GLIS2: variants seen among roughly 807,000 people sequenced by gnomAD.
The protein encoded by GLIS2 is GLIS family zinc finger 2, also known as zinc finger protein GLIS2.
A neutral mutation model predicts 35.6 loss-of-function variants in GLIS2; 14 were observed. The ratio of observed to expected loss-of-function variants is 0.39; its 90% CI spans 0.26 to 0.61. The LOEUF (loss-of-function observed/expected upper bound fraction) is 0.61, where lower values mean the gene tolerates loss of function less well. Ranked by LOEUF, GLIS2 falls within the 20% of genes least tolerant of loss-of-function variation. GLIS2 has a pLI of 0.48. For missense variants in GLIS2, 675 were observed against 713.4 expected (o/e 0.95, Z 0.61); for synonymous variants, 368 against 325.1 (o/e 1.13, Z -1.42).
chr16:4,333,481 C>T lies in GLIS2; in HGVS notation c.307C>T (p.Gln103Ter). The change falls in exon 3 of 7, where the codon CAG becomes TAG. Residue 103 changes from glutamine to a stop codon, truncating the protein, a stop_gained. Transcript: ENST00000433375. LOFTEE classifies it high-confidence loss of function. ...CAGCAGCTCGCTGTCCCCCGAGCGC[C>T]AGGGCAACGGGGACCTGCCTCCAGT... ...NGSSSLSPER[Q>*]GNGDLPPVPS... The T allele has an allele frequency of 6.2e-7, 1 of 1,612,288 alleles. No individual in the cohort carries two copies. The highest frequency in any genetic ancestry group is 1.3e-5 in the African/African-American group (1 of 75,012).
intron 1 of GLIS2, among the ~76,000 whole-genome samples, chr16:4,322,164 AG>A (rs1355030832): frequency 6.9e-6 from 1 of 145,812 alleles, no homozygotes; most frequent in Non-Finnish European, 1.5e-5. Flanking sequence ...ATCCTGAGGA[AG>A]GGGGGTGCCA....
At chr16:4,327,662 CG>C (rs1290470645) in intron 1 of GLIS2, among the ~76,000 whole-genome samples, 3 of 151,590 alleles carry the variant, frequency 2.0e-5, no homozygotes, top group African/African-American at 4.8e-5. Context: ...GCCAGGGTGG[CG>C]GGGGGCCCGC....
rs2053572163 is a variant in GLIS2, at chr16:4,337,632, C to CCCCAG, written c.*117_*121dup. On this transcript the variant is annotated 3_prime_UTR_variant, in exon 7 of 7. Coordinates refer to ENST00000433375, the MANE Select transcript of GLIS2 (RefSeq NM_032575.3). ...CAATAATGTCCTACTGCCCGGGCAGCCCCAGCCCAGCCCGCCGGGAGCAAG... is the reference window on the plus strand; with the variant it reads ...CAATAATGTCCTACTGCCCGGGCAGCCCCAGCCCAGCCCAGCCCGCCGGGAGCAAG... 5 of 1,477,402 alleles carry CCCCAG rather than the reference C, an allele frequency of 3.4e-6. No individual in the cohort carries two copies. Among genetic ancestry groups the CCCCAG allele is most frequent in the East Asian group, 2.5e-5 (1 of 40,566 alleles). The allele number at this position is 1,477,402 out of a possible 1,614,324, so 91.5% of individuals were successfully genotyped here. A position where few individuals can be genotyped will look rare whatever the true frequency, so the allele number is the denominator to read the frequency against.
Position 4,316,181 on chromosome 16 carries a change from T to A in GLIS2, c.-140T>A, listed in dbSNP as rs1004465055. Among the ~76,000 whole-genome samples, 2 of 131,342 alleles carry A rather than the reference T, an allele frequency of 1.5e-5. No homozygotes were observed. The highest frequency in any genetic ancestry group is 5.7e-5 in the African/African-American group (2 of 35,272). The allele number at this position is 131,342 out of a possible 152,430, so 86.2% of individuals were successfully genotyped here. ...CCCGGCCCCCGCCCGTCCCGGCCCCTCCCCCGCTCGGCTCCCCGCGCCCCC... is the reference window on the plus strand; with the variant it reads ...CCCGGCCCCCGCCCGTCCCGGCCCCACCCCCGCTCGGCTCCCCGCGCCCCC... On this transcript the variant is annotated 5_prime_UTR_variant, in exon 1 of 7. Transcript: ENST00000433375.
Position 4,332,165 on chromosome 16 carries a change from G to A in GLIS2, c.-66-50G>A. Reference sequence around the variant, plus strand: ...TTAGACTGTCATGAGTACAGCCCGAGGAGAAGCCTGGGGTCTCAGTGCCAC... The same window carrying A: ...TTAGACTGTCATGAGTACAGCCCGAAGAGAAGCCTGGGGTCTCAGTGCCAC... On this transcript the variant is annotated intron_variant, in intron 1 of 6. Transcript: ENST00000433375. The surrounding 1 kb of genome is among the most constrained non-coding windows in gnomAD (Gnocchi z 5.4). 2.3e-6 allele frequency: 3 copies of A among 1,281,352 alleles called. No individual in the cohort carries two copies. The highest frequency in any genetic ancestry group is 2.5e-5 in the East Asian group (1 of 39,808). 79.4% of individuals were successfully genotyped at this position (1,281,352 alleles called of 1,614,324 possible).
At chr16:4,319,891 G>T (rs1286242901) in intron 1 of GLIS2, among the ~76,000 whole-genome samples, 1 of 152,190 alleles carries the variant, frequency 6.6e-6, no homozygotes, top group Non-Finnish European at 1.5e-5. Context: ...CCCCCAGATG[G>T]GCTGGAGGAT....
At position 4,337,696 on chromosome 16, in the gene GLIS2, C is replaced by T. The variant is rs1435718211; in HGVS notation, c.*172C>T. ...CATTCATGGCTGGCCTCCCAGCCCC[C>T]GGGTGGGGACCTGGCCTGTCATGCA... is the stretch of plus-strand genomic sequence containing the variant. On this transcript the variant is annotated 3_prime_UTR_variant, in exon 7 of 7. Transcript: ENST00000433375. 1.7e-5 allele frequency: 16 copies of T among 917,982 alleles called. No homozygotes were observed. Among genetic ancestry groups the T allele is most frequent in the African/African-American group, 9.7e-5 (6 of 61,574 alleles). 56.9% of individuals were successfully genotyped at this position (917,982 alleles called of 1,614,324 possible).
intron 1 of GLIS2, among the ~76,000 whole-genome samples, chr16:4,316,670 G>A (rs1008040053): frequency 6.6e-6 from 1 of 152,062 alleles, no homozygotes; most frequent in Non-Finnish European, 1.5e-5. Flanking sequence ...GGCCGCGCCG[G>A]GGCTGCTGCT....
At chr16:4,327,973 G>C (rs1179181385) in intron 1 of GLIS2, among the ~76,000 whole-genome samples, 2 of 151,860 alleles carry the variant, frequency 1.3e-5, no homozygotes, top group Non-Finnish European at 1.5e-5. Flanking sequence ...CTGAGTGCTC[G>C]AGAGACGCGG....
At chr16:4,333,750 G>C (rs1412989641) in intron 3 of GLIS2, among the ~76,000 whole-genome samples, 1 of 152,122 alleles carries the variant, frequency 6.6e-6, no homozygotes, top group African/African-American at 2.4e-5. Context: ...CTTCACTCCA[G>C]GCTCTGCCCT....
rs201182025 is a variant in GLIS2, at chr16:4,337,362, C to A, written c.1413C>A (p.Ser471Arg). 104 of 1,592,964 alleles carry A rather than the reference C, an allele frequency of 6.5e-5. 1 individual carries two copies. In the East Asian group the frequency reaches 2.2e-3, roughly 34 times the overall value. The change falls in exon 7 of 7, where the codon AGC becomes AGA. Residue 471 changes from serine to arginine, a missense_variant. This residue lies in a region of GLIS2 where 317 missense variants were observed against 283.2 expected (regional missense o/e 1.12). Coordinates refer to ENST00000433375, the MANE Select transcript of GLIS2 (RefSeq NM_032575.3). ...HKTPLERTES[S>R]CSRPSPDGLP... Reference sequence around the variant, plus strand: ...CGCCCCTTGAAAGGACGGAGAGCAGCTGCTCCCGGCCAAGCCCCGATGGAC... The same window carrying A: ...CGCCCCTTGAAAGGACGGAGAGCAGATGCTCCCGGCCAAGCCCCGATGGAC...
chr16:4,337,380 C>A lies in GLIS2; in HGVS notation c.1431C>A (p.Pro477=). The A allele has an allele frequency of 6.3e-7, 1 of 1,593,538 alleles. No individual in the cohort carries two copies. The highest frequency in any genetic ancestry group is 8.5e-7 in the Non-Finnish European group (1 of 1,171,584). Residue 477 remains proline, a synonymous_variant, in exon 7 of 7, where the codon CCC becomes CCA. Transcript: ENST00000433375. ...RTESSCSRPS[P]DGLPLLPGTV... The stretch of plus-strand genomic sequence containing the variant: ...AGAGCAGCTGCTCCCGGCCAAGCCC[C>A]GATGGACTCCCCCTGCTGCCAGGCA...
At chr16:4,328,052 A>C (rs2053456898) in intron 1 of GLIS2, among the ~76,000 whole-genome samples, 1 of 152,134 alleles carries the variant, frequency 6.6e-6, no homozygotes, top group South Asian at 2.1e-4. Context: ...GGAAGGCTCC[A>C]CCAGGAGGCG....
intron 1 of GLIS2, among the ~76,000 whole-genome samples, chr16:4,321,156 C>T (rs1597332410): frequency 6.6e-6 from 1 of 152,252 alleles, no homozygotes; most frequent in East Asian, 1.9e-4. Context: ...GGGCTGGGGG[C>T]CAGGGCTGGG....
At chr16:4,336,397 T>A in intron 6 of GLIS2, 1 of 516,572 alleles carries the variant, frequency 1.9e-6, no homozygotes, top group Non-Finnish European at 3.5e-6. Context: ...TCTGCCTGCC[T>A]TGGCCTCCCA....
intron 1 of GLIS2, among the ~76,000 whole-genome samples, chr16:4,319,479 T>C (rs953989294): frequency 5.9e-5 from 9 of 152,008 alleles, no homozygotes; most frequent in African/African-American, 1.9e-4. Flanking sequence ...GGCCCTGATG[T>C]GTATCTGGGG....
rs2053505087 is a variant in GLIS2, at chr16:4,332,271, C to T, written c.-10C>T. 6.2e-7 allele frequency: 1 copy of T among 1,611,324 alleles called. No homozygotes were observed. Among genetic ancestry groups the T allele is most frequent in the Non-Finnish European group, 8.5e-7 (1 of 1,179,454 alleles). On this transcript the variant is annotated 5_prime_UTR_variant, in exon 2 of 7. Coordinates refer to ENST00000433375, the MANE Select transcript of GLIS2 (RefSeq NM_032575.3). This position sits in a 1 kb window ranked among gnomAD's most constrained non-coding sequence, Gnocchi z 5.4. Reference sequence around the variant, plus strand: ...TGCCTGCTGCCACCTCCAACTCCGGCCCCCTCACCATGCACTCCCTGGACG... The same window carrying T: ...TGCCTGCTGCCACCTCCAACTCCGGTCCCCTCACCATGCACTCCCTGGACG...
chr16:4,331,379 A>G (rs1056330700), intron 1 of GLIS2, among the ~76,000 whole-genome samples: 4 of 152,100 alleles, frequency 2.6e-5, no homozygotes, highest in Non-Finnish European at 5.9e-5. Context: ...TTTATTTCCC[A>G]TAAGGAATAC....
rs1298808971 is a variant in GLIS2 at position 4,320,713 on chromosome 16, C to T, written c.-67+4459C>T. Among the ~76,000 whole-genome samples, 1 of 152,204 alleles carries T rather than the reference C, an allele frequency of 6.6e-6. No individual in the cohort carries two copies. Among genetic ancestry groups the T allele is most frequent in the African/African-American group, 2.4e-5 (1 of 41,454 alleles). On this transcript the variant is annotated intron_variant, in intron 1 of 6. Transcript: ENST00000433375. The surrounding 1 kb of genome is among the most constrained non-coding windows in gnomAD (Gnocchi z 5.6). The stretch of plus-strand genomic sequence containing the variant: ...TCCCCTGGGCCACTCCCACCTTCAT[C>T]CAGAGCCCCCATTCCCCACCCCAAC...
Sources: allele counts gnomAD v4.1 joint callset (sites outside exome capture counted in the v4.1 genomes callset), GRCh38; gene constraint gnomAD v4.1.1; regional missense constraint gnomAD v4.1.1; non-coding constraint Gnocchi (gnomAD v3.1); transcripts MANE v1.5; gene names NCBI Gene and HGNC (gene_info 2026-07-23, HGNC 2026-07-21).